Variants in SLC9B1 observed in about 807,000 individuals in gnomAD.
The protein encoded by SLC9B1 is sodium/hydrogen exchanger 9B1.
SLC9B1 carries 32 observed loss-of-function variants against 51.7 expected under a neutral mutation model. That is an observed-to-expected ratio of 0.62 (90% CI 0.47 to 0.83). The LOEUF is 0.83. Among genes scored for constraint, SLC9B1 ranks in the 40% least tolerant of loss-of-function variants. SLC9B1 has a pLI of 0.00. For missense variants in SLC9B1, 406 were observed against 613.2 expected (o/e 0.66, Z 3.57); for synonymous variants, 145 against 212.7 (o/e 0.68, Z 2.77).
At chr4:102,978,894 CT>C (rs1047042927) in intron 3 of SLC9B1, among the ~76,000 whole-genome samples, 2 of 152,148 alleles carry the variant, frequency 1.3e-5, no homozygotes, top group Admixed American at 1.3e-4. Context: ...TGCTCTAAAA[CT>C]TTTTATTTGC....
At chr4:102,923,929 A>G (rs1452342313) in intron 7 of SLC9B1, among the ~76,000 whole-genome samples, 1 of 152,246 alleles carries the variant, frequency 6.6e-6, no homozygotes, top group African/African-American at 2.4e-5. Context: ...ATGGAAGAAC[A>G]TTCCATGCTC....
intron 4 of SLC9B1, 21 bp from the exon 5 acceptor site, chr4:102,946,810 G>A (rs200006192): frequency 1.3e-6 from 2 of 1,546,118 alleles, no homozygotes; most frequent in South Asian, 2.4e-5. Flanking sequence ...AGAAAATAAA[G>A]ATACATGACA....
chr4:102,969,789 C>T (rs559777308), intron 3 of SLC9B1, among the ~76,000 whole-genome samples: 1 of 152,134 alleles, frequency 6.6e-6, no homozygotes, highest in Non-Finnish European at 1.5e-5. Context: ...TAGAGAAGAC[C>T]TTTAATGACC....
At chr4:102,993,824 G>A (rs1416409852) in intron 1 of SLC9B1, among the ~76,000 whole-genome samples, 2 of 152,344 alleles carry the variant, frequency 1.3e-5, no homozygotes, top group Admixed American at 6.5e-5. Flanking sequence ...AACACCACGT[G>A]TAAGCTGCCA....
At chr4:102,991,762 C>A in intron 1 of SLC9B1, 50 bp from the exon 2 acceptor site, 2 of 1,308,850 alleles carry the variant, frequency 1.5e-6, no homozygotes, top group East Asian at 2.6e-5. Flanking sequence ...GACTATAAAT[C>A]CATATGAAAA....
chr4:102,931,993 A>G (rs1432257876), intron 7 of SLC9B1, 131 bp downstream of exon 7: 2 of 805,916 alleles, frequency 2.5e-6, no homozygotes, highest in Admixed American at 2.6e-5. Context: ...TGAGCTTTCT[A>G]TGGAGATTAA....
At chr4:102,933,781 C>G (rs1419722562) in intron 6 of SLC9B1, among the ~76,000 whole-genome samples, 5 of 151,882 alleles carry the variant, frequency 3.3e-5, no homozygotes, top group Non-Finnish European at 4.4e-5. Context: ...CACAAAATAT[C>G]TAAGAAAAAA....
At chr4:102,898,873 A>G (rs1183529397), downstream of SLC9B1, among the ~76,000 whole-genome samples, 1 of 152,146 alleles carries the variant, frequency 6.6e-6, no homozygotes, top group Non-Finnish European at 1.5e-5. Flanking sequence ...GACTACAGGC[A>G]CCTGCCACCA....
rs192237056 is a variant in SLC9B1 at position 102,928,131 on chromosome 4, T to G, written c.829+3993A>C. Among the ~76,000 whole-genome samples the G allele has an allele frequency of 3.4e-3, 516 of 152,202 alleles. 1 individual carries two copies. Among genetic ancestry groups the G allele is most frequent in the Non-Finnish European group, 6.1e-3 (412 of 68,022 alleles). On this transcript the variant is annotated intron_variant, in intron 7 of 11. Coordinates refer to ENST00000296422, the MANE Select transcript of SLC9B1 (RefSeq NM_139173.4). ...TAGGAGAAATACCTAATGTAAATGA[T>G]GAGTTGATGGGTGCAGCAAACCAAC...
At position 102,932,162 on chromosome 4, in the gene SLC9B1, G is replaced by T. The variant is rs771691834; in HGVS notation, c.791C>A (p.Thr264Asn). The change falls in exon 7 of 12, where the codon ACT (threonine) becomes AAT (asparagine). Residue 264 changes from threonine to asparagine, a missense_variant. Transcript: ENST00000296422. ...TATGCTCAAGCATGTATTGAATCCA[G>T]TGATAGCCAGAATGTCATCCATACT... ...ASSMDDILAI[T>N]GFNTCLSIVF... 10 of 1,611,788 alleles carry T rather than the reference G, an allele frequency of 6.2e-6. No homozygotes were observed. Among genetic ancestry groups the T allele is most frequent in the East Asian group, 2.2e-5 (1 of 44,870 alleles).
intron 6 of SLC9B1, among the ~76,000 whole-genome samples, chr4:102,941,957 C>T (rs540920605): frequency 3.9e-5 from 6 of 152,146 alleles, no homozygotes; most frequent in African/African-American, 1.2e-4. Context: ...AATTCAGTAA[C>T]GTTTCAGGAT....
chr4:102,923,248 C>G (rs1735975998), intron 7 of SLC9B1, among the ~76,000 whole-genome samples: 2 of 152,176 alleles, frequency 1.3e-5, no homozygotes, highest in Admixed American at 1.3e-4. Flanking sequence ...GGATGCAAGG[C>G]TGGTTCAACA....
At chr4:102,950,716 G>A (rs1737507275) in intron 3 of SLC9B1, among the ~76,000 whole-genome samples, 1 of 152,118 alleles carries the variant, frequency 6.6e-6, no homozygotes, top group South Asian at 2.1e-4. Context: ...GGACCAGGCT[G>A]GGCATGGTGG....
At chr4:102,977,032 C>A (rs1200300013) in intron 3 of SLC9B1, among the ~76,000 whole-genome samples, 1 of 151,924 alleles carries the variant, frequency 6.6e-6, no homozygotes, top group African/African-American at 2.4e-5. Flanking sequence ...TGCCTGCAGT[C>A]CCAGCTACTC....
At chr4:103,010,217 G>A (rs1237815884) in intron 1 of SLC9B1, among the ~76,000 whole-genome samples, 1 of 140,100 alleles carries the variant, frequency 7.1e-6, no homozygotes, top group Non-Finnish European at 1.5e-5. Context: ...AGTTCTGGAG[G>A]CTGAGAAGTT....
intron 3 of SLC9B1, among the ~76,000 whole-genome samples, chr4:102,968,908 C>T (rs7682755): frequency 0.54 from 82,692 of 152,050 alleles, 23,029 homozygotes; most frequent in African/African-American, 0.67. Flanking sequence ...GTGGGTCCCA[C>T]GCCCACAGAG....
At chr4:102,936,784 C>T (rs562554383) in intron 6 of SLC9B1, among the ~76,000 whole-genome samples, 196 of 152,264 alleles carry the variant, frequency 1.3e-3, no homozygotes, top group Non-Finnish European at 2.3e-3. Context: ...CAAGGCATCA[C>T]TCAAAGAAAG....
intron 1 of SLC9B1, among the ~76,000 whole-genome samples, chr4:103,018,558 T>C (rs551300374): frequency 6.6e-6 from 1 of 152,282 alleles, no homozygotes; most frequent in South Asian, 2.1e-4. Context: ...TATTTATCTC[T>C]AAGGAAAATC....
intron 3 of SLC9B1, among the ~76,000 whole-genome samples, chr4:102,985,508 G>A (rs72937467): frequency 0.011 from 1,695 of 150,712 alleles, 22 homozygotes; most frequent in African/African-American, 0.038. Flanking sequence ...TACAACATGC[G>A]TTTACAACTA....
Sources: allele counts gnomAD v4.1 joint callset (sites outside exome capture counted in the v4.1 genomes callset), GRCh38; gene constraint gnomAD v4.1.1; transcripts MANE v1.5; gene names NCBI Gene and HGNC (gene_info 2026-07-23, HGNC 2026-07-21).